The following GALNT10 variants were observed in gnomAD, a reference collection of about 807,000 sequenced individuals.
GALNT10 encodes polypeptide N-acetylgalactosaminyltransferase 10, also known as GalNAc transferase 10.
A neutral mutation model predicts 75.0 loss-of-function variants in GALNT10; 41 were observed. The observed-to-expected ratio is 0.55, with a 90% CI of 0.43 to 0.71. The LOEUF (loss-of-function observed/expected upper bound fraction) is 0.71. Among genes scored for constraint, GALNT10 ranks in the 30% least tolerant of loss-of-function variants. The probability of loss-of-function intolerance (pLI) is 0.00; values close to 1 mark genes in which losing one functional copy is unlikely to be tolerated. For missense variants in GALNT10, 727 were observed against 818.5 expected, an observed-to-expected ratio of 0.89 and a Z score of 1.36; for synonymous variants, 302 against 313.0, an observed-to-expected ratio of 0.96 and a Z score of 0.37.
intron 3 of GALNT10, among the ~76,000 whole-genome samples, chr5:154,316,656 C>T (rs939448201): frequency 3.3e-5 from 5 of 152,228 alleles, no homozygotes; most frequent in African/African-American, 9.6e-5. Flanking sequence ...GGGACAGGAA[C>T]GACAGCTTGT....
chr5:154,327,961 T>C (rs1754780606), intron 3 of GALNT10, among the ~76,000 whole-genome samples: 1 of 151,316 alleles, frequency 6.6e-6, no homozygotes, highest in Non-Finnish European at 1.5e-5. Flanking sequence ...TTACAAGAAC[T>C]AAAGGGGGAC....
chr5:154,319,022 A>G (rs761793058), intron 3 of GALNT10, among the ~76,000 whole-genome samples: 1 of 152,354 alleles, frequency 6.6e-6, no homozygotes, highest in Non-Finnish European at 1.5e-5. Flanking sequence ...GGTCAGAAGT[A>G]TTGATTCAAG....
At chr5:154,291,074 T>C (rs1754187608) in intron 1 of GALNT10, among the ~76,000 whole-genome samples, 2 of 152,166 alleles carry the variant, frequency 1.3e-5, no homozygotes. Flanking sequence ...GTGTGCATCA[T>C]AAGGCAAAGG....
chr5:154,215,730 G>C (rs1023248207), intron 1 of GALNT10, among the ~76,000 whole-genome samples: 6 of 152,152 alleles, frequency 3.9e-5, no homozygotes, highest in African/African-American at 1.4e-4. Context: ...TCTGCCATCT[G>C]TGTGCATCGC....
chr5:154,203,346 C>T (rs923860514), intron 1 of GALNT10, among the ~76,000 whole-genome samples: 1 of 152,174 alleles, frequency 6.6e-6, no homozygotes, highest in Non-Finnish European at 1.5e-5. Flanking sequence ...AAGCCTACCA[C>T]GGTGGAATCC....
chr5:154,256,024 G>C (rs1476702857), intron 1 of GALNT10, among the ~76,000 whole-genome samples: 8 of 152,138 alleles, frequency 5.3e-5, no homozygotes, highest in Admixed American at 5.2e-4. Flanking sequence ...TGCCTCTAGA[G>C]TGGGGAGGTT....
At chr5:154,221,047 T>A (rs1752970355) in intron 1 of GALNT10, among the ~76,000 whole-genome samples, 1 of 152,178 alleles carries the variant, frequency 6.6e-6, no homozygotes, top group African/African-American at 2.4e-5. Context: ...GTTCCAGGAT[T>A]CTCAGGGTTA....
At chr5:154,227,161 G>A (rs572842280) in intron 1 of GALNT10, among the ~76,000 whole-genome samples, 581 of 152,266 alleles carry the variant, frequency 3.8e-3, no homozygotes, top group Non-Finnish European at 6.9e-3. Flanking sequence ...TCATGTACAA[G>A]TCTTTCTGTG....
intron 1 of GALNT10, among the ~76,000 whole-genome samples, chr5:154,246,817 G>T (rs12332404): frequency 0.046 from 6,981 of 152,192 alleles, 419 homozygotes; most frequent in African/African-American, 0.14. Flanking sequence ...AGTTTAATTA[G>T]ATCCCATTTG....
intron 1 of GALNT10, among the ~76,000 whole-genome samples, chr5:154,271,110 A>G (rs1753857982): frequency 3.9e-5 from 6 of 152,112 alleles, no homozygotes; most frequent in Admixed American, 3.9e-4. Flanking sequence ...CAAAGAAACA[A>G]TAGCCTGGAC....
At chr5:154,244,336 G>A (rs762876128) in intron 1 of GALNT10, among the ~76,000 whole-genome samples, 1 of 152,146 alleles carries the variant, frequency 6.6e-6, no homozygotes, top group African/African-American at 2.4e-5. Context: ...AGAGGCTCAG[G>A]TGGGAGGATT....
chr5:154,231,782 A>G (rs553347717), intron 1 of GALNT10, among the ~76,000 whole-genome samples: 1 of 152,356 alleles, frequency 6.6e-6, no homozygotes, highest in Non-Finnish European at 1.5e-5. Flanking sequence ...TTGCTGGCAC[A>G]TCTCTACCTC....
At chr5:154,238,473 G>C (rs1753282119) in intron 1 of GALNT10, among the ~76,000 whole-genome samples, 2 of 152,176 alleles carry the variant, frequency 1.3e-5, no homozygotes, top group Non-Finnish European at 2.9e-5. Flanking sequence ...AGTCTGTCTT[G>C]AGGAAGCAAA....
chr5:154,414,988 T>C (rs1190454393), intron 10 of GALNT10, among the ~76,000 whole-genome samples: 1 of 152,088 alleles, frequency 6.6e-6, no homozygotes, highest in African/African-American at 2.4e-5. Context: ...CCAGGCGTGG[T>C]GGCACACACC....
intron 4 of GALNT10, among the ~76,000 whole-genome samples, chr5:154,344,081 G>T (rs1162668980): frequency 1.3e-5 from 2 of 152,032 alleles, no homozygotes; most frequent in East Asian, 1.9e-4. Flanking sequence ...CTCCTTGAAG[G>T]GTTCATCAGT....
chr5:154,241,878 G>T (rs1041485648), intron 1 of GALNT10, among the ~76,000 whole-genome samples: 1 of 152,138 alleles, frequency 6.6e-6, no homozygotes, highest in African/African-American at 2.4e-5. Flanking sequence ...TCATCATAAG[G>T]CTTTTTGAAT....
At chr5:154,400,196 G>A (rs1476536483) in intron 7 of GALNT10, among the ~76,000 whole-genome samples, 1 of 152,204 alleles carries the variant, frequency 6.6e-6, no homozygotes, top group Non-Finnish European at 1.5e-5. Flanking sequence ...GCCGAGAAAA[G>A]CCATGGCGGG....
intron 4 of GALNT10, among the ~76,000 whole-genome samples, chr5:154,371,140 C>T (rs988825307): frequency 2.6e-5 from 4 of 152,174 alleles, no homozygotes; most frequent in Non-Finnish European, 5.9e-5. Flanking sequence ...TGCTGGCAAG[C>T]CTTGGCATTC....
chr5:154,345,516 G>C (rs1755107457), intron 4 of GALNT10, among the ~76,000 whole-genome samples: 1 of 151,196 alleles, frequency 6.6e-6, no homozygotes, highest in Non-Finnish European at 1.5e-5. Context: ...ACTTTTTTTA[G>C]ATTCCTCATA....
Sources: allele counts gnomAD v4.1 joint callset (sites outside exome capture counted in the v4.1 genomes callset), GRCh38; gene constraint gnomAD v4.1.1; transcripts MANE v1.5; gene names NCBI Gene and HGNC (gene_info 2026-07-23, HGNC 2026-07-21).